Variants in MBD5 observed in about 807,000 individuals in gnomAD.
The protein encoded by MBD5 is methyl-CpG binding domain protein 5.
In MBD5, 13 loss-of-function variants were observed where a neutral mutation model predicts 117.3. The observed-to-expected ratio is 0.11, with a 90% CI of 0.07 to 0.18. MBD5 has a LOEUF of 0.18. Ranked by LOEUF, MBD5 falls within the 10% of genes least tolerant of loss-of-function variation. MBD5 has a pLI of 1.00. For missense variants in MBD5, 1,879 were observed against 2,093.8 expected (o/e 0.90, Z 2.00); for synonymous variants, 727 against 766.4 (o/e 0.95, Z 0.85).
chr2:148,179,354 C>CAAAA (rs762312262), intron 2 of MBD5, among the ~76,000 whole-genome samples: 2 of 70,940 alleles, frequency 2.8e-5, no homozygotes, highest in African/African-American at 9.5e-5. Flanking sequence ...GACTCTGTCT[C>CAAAA]AAAAAAAAAA....
At chr2:148,512,279 C>G (rs1682242940) in intron 13 of MBD5, 1 of 166,804 alleles carries the variant, frequency 6.0e-6, no homozygotes, top group South Asian at 1.5e-4. Flanking sequence ...ATTAACTGCT[C>G]CTCCCAGACT....
Position 148,344,505 on chromosome 2 carries a change from G to C in MBD5, c.-557+2169G>C, listed in dbSNP as rs1376201648. On this transcript the variant is annotated intron_variant, in intron 4 of 13. Coordinates refer to ENST00000642680, the MANE Select transcript of MBD5 (RefSeq NM_001378120.1). ...CTGTGATTCCTAGCAGTGTTTTGTAGTTCTCCTTGTAGACAGACATCTTTC... is the reference window on the plus strand; with the variant it reads ...CTGTGATTCCTAGCAGTGTTTTGTACTTCTCCTTGTAGACAGACATCTTTC... Among the ~76,000 whole-genome samples, 7 of 151,966 alleles carry C rather than the reference G, an allele frequency of 4.6e-5. No individual in the cohort carries two copies. The South Asian group carries it at 1.2e-3, about 27-fold the overall frequency.
At chr2:148,399,566 G>A (rs1337743447) in intron 4 of MBD5, among the ~76,000 whole-genome samples, 2 of 152,022 alleles carry the variant, frequency 1.3e-5, no homozygotes, top group African/African-American at 4.8e-5. Context: ...GAGACGATGG[G>A]GTTTTCTAGA....
At chr2:148,442,532 G>C (rs1400182879) in intron 4 of MBD5, among the ~76,000 whole-genome samples, 2 of 151,152 alleles carry the variant, frequency 1.3e-5, no homozygotes, top group African/African-American at 4.9e-5. Context: ...AAATACTAAG[G>C]AGAAATAAAA....
At chr2:148,185,247 C>T (rs1218544165) in intron 2 of MBD5, among the ~76,000 whole-genome samples, 1 of 152,192 alleles carries the variant, frequency 6.6e-6, no homozygotes, top group Non-Finnish European at 1.5e-5. Context: ...CTTACCAGTT[C>T]AAAATTGTCC....
At chr2:148,507,164 A>G (rs1210010289) in intron 12 of MBD5, among the ~76,000 whole-genome samples, 1 of 152,234 alleles carries the variant, frequency 6.6e-6, no homozygotes, top group Non-Finnish European at 1.5e-5. Context: ...AATATTTTAA[A>G]TATCTTGAAG....
chr2:148,314,816 T>G (rs1702121381), intron 3 of MBD5, among the ~76,000 whole-genome samples: 1 of 152,164 alleles, frequency 6.6e-6, no homozygotes. Flanking sequence ...CTCTAAAGTT[T>G]CAAGTTACCA....
rs1681327248 is a variant in MBD5 at position 148,485,961 on chromosome 2, C to A, written c.3753+11C>A. 1 of 1,610,312 alleles carries A rather than the reference C, an allele frequency of 6.2e-7. No individual in the cohort carries two copies. The highest frequency in any genetic ancestry group is 2.2e-5 in the East Asian group (1 of 44,868). On this transcript the variant is annotated intron_variant, in intron 10 of 13. Coordinates refer to ENST00000642680, the MANE Select transcript of MBD5 (RefSeq NM_001378120.1). ...TTTCAGAACTTTCAGGTACTCTCCT[C>A]TGCTGTGTCATTTTAGAAGAAAACA...
chr2:148,030,981 G>A (rs1194719047), intron 1 of MBD5, among the ~76,000 whole-genome samples: 1 of 152,118 alleles, frequency 6.6e-6, no homozygotes, highest in African/African-American at 2.4e-5. Flanking sequence ...ACTGAAAAAT[G>A]CACTTCTCAC....
chr2:148,050,163 C>T (rs565787417), intron 1 of MBD5, among the ~76,000 whole-genome samples: 2 of 152,144 alleles, frequency 1.3e-5, no homozygotes, highest in South Asian at 2.1e-4. Flanking sequence ...CATTAGCATA[C>T]GAGGGTTCCA....
chr2:148,114,334 G>A (rs1329169331), intron 1 of MBD5, among the ~76,000 whole-genome samples: 2 of 152,112 alleles, frequency 1.3e-5, no homozygotes, highest in Non-Finnish European at 1.5e-5. Flanking sequence ...GCCAGGTGTG[G>A]TGGTGTGCGC....
At chr2:148,228,294 T>G (rs1699889500) in intron 2 of MBD5, among the ~76,000 whole-genome samples, 1 of 152,224 alleles carries the variant, frequency 6.6e-6, no homozygotes, top group Non-Finnish European at 1.5e-5. Context: ...CATCAATCCC[T>G]AATTTATTGA....
chr2:148,048,397 C>T (rs1694593575), intron 1 of MBD5, among the ~76,000 whole-genome samples: 1 of 151,970 alleles, frequency 6.6e-6, no homozygotes, highest in African/African-American at 2.4e-5. Flanking sequence ...CAACATCTGC[C>T]TTTGAAGAAT....
intron 3 of MBD5, among the ~76,000 whole-genome samples, chr2:148,338,708 G>A (rs1702862581): frequency 6.6e-6 from 1 of 152,198 alleles, no homozygotes; most frequent in Non-Finnish European, 1.5e-5. Flanking sequence ...TTAGAGATCT[G>A]AGTCACCTCT....
intron 3 of MBD5, among the ~76,000 whole-genome samples, chr2:148,314,033 C>T (rs543449012): frequency 2.3e-4 from 35 of 151,996 alleles, no homozygotes; most frequent in African/African-American, 7.5e-4. Flanking sequence ...AGAAATCACC[C>T]GCCTTCTGCA....
In MBD5 at chr2:148,075,987, G is replaced by A. The variant is rs184433458; in HGVS notation, c.-925+54303G>A. Among the ~76,000 whole-genome samples the A allele has an allele frequency of 2.7e-3, 408 of 152,134 alleles. 4 individuals carry two copies. Among genetic ancestry groups the A allele is most frequent in the South Asian group, 5.8e-3 (28 of 4,806 alleles). ...AGAAATCAGGAGCCACTAGTAATTG[G>A]CCAACTTATTCTATTGTAAATAACG... On this transcript the variant is annotated intron_variant, in intron 1 of 13. Transcript: ENST00000642680.
At chr2:148,494,018 A>T (rs911473076) in intron 11 of MBD5, among the ~76,000 whole-genome samples, 30 of 152,306 alleles carry the variant, frequency 2.0e-4, no homozygotes, top group African/African-American at 7.2e-4. Flanking sequence ...ATTCAAAGAG[A>T]TGCCTTAAGA....
chr2:148,024,684 C>T (rs1693849766), intron 1 of MBD5, among the ~76,000 whole-genome samples: 1 of 152,054 alleles, frequency 6.6e-6, no homozygotes. Flanking sequence ...AATTAACAGC[C>T]AAATTAAATA....
intron 1 of MBD5, among the ~76,000 whole-genome samples, chr2:148,160,147 C>G (rs1221655703): frequency 6.6e-6 from 1 of 152,136 alleles, no homozygotes; most frequent in Admixed American, 6.6e-5. Flanking sequence ...CGCCTGTAAT[C>G]CCAGCACTTT....
Sources: gnomAD v4.1 joint callset for allele counts (sites outside exome capture counted in the v4.1 genomes callset) on GRCh38, gnomAD v4.1.1 for gene constraint, MANE v1.5 for transcripts, NCBI Gene and HGNC (gene_info 2026-07-23, HGNC 2026-07-21) for gene names.